Variants in PTER observed in about 807,000 individuals in gnomAD.
PTER encodes the protein N-acetyltaurine hydrolase.
In PTER, 38 loss-of-function variants were observed where a neutral mutation model predicts 29.6. The ratio of observed to expected loss-of-function variants is 1.28; its 90% CI spans 0.99 to 1.68. The LOEUF (loss-of-function observed/expected upper bound fraction) is 1.68. Ranked by LOEUF, PTER falls within the 40% of genes most tolerant of loss-of-function variation. PTER has a pLI of 0.00. For synonymous variants in PTER, 172 were observed against 154.5 expected, an observed-to-expected ratio of 1.11 and a Z score of -0.84; for missense variants, 482 against 427.8, an observed-to-expected ratio of 1.13 and a Z score of -1.12.
chr10:16,505,224 G>A lies in PTER; in HGVS notation c.839+64G>A. On this transcript the variant is annotated intron_variant, in intron 4 of 4. Transcript: ENST00000535784. ...TAGCCCTTTTTGATTGTCATATCTA[G>A]GGAAGTATTAGCAAAGATTCAGAAA... is the stretch of plus-strand genomic sequence containing the variant. 1.9e-6 allele frequency: 3 copies of A among 1,569,342 alleles called. No individual in the cohort carries two copies. In the South Asian group the frequency reaches 3.5e-5, roughly 18 times the overall value.
At chr10:16,441,675 C>T (rs1202026413) in intron 1 of PTER, among the ~76,000 whole-genome samples, 1 of 152,192 alleles carries the variant, frequency 6.6e-6, no homozygotes, top group East Asian at 1.9e-4. Flanking sequence ...ATTGCTTGGA[C>T]GTGACTGGCC....
rs1836513035 is a variant in PTER, at chr10:16,505,143, T to C, written c.822T>C (p.Asp274=). The change falls in exon 4 of 5, where the codon GAT becomes GAC. Residue 274 remains aspartate (D), a synonymous_variant. Coordinates refer to ENST00000535784, the MANE Select transcript of PTER (RefSeq NM_001261836.2). ...QLGPDIDMPD[D]NKRIRRVRLL... is the part of the protein sequence containing the mutation. ...GCCCAGATATTGACATGCCTGATGA[T>C]AACAAAAGAATTAGAAGGTAAATAT... 1 of 1,613,904 alleles carries C rather than the reference T, an allele frequency of 6.2e-7. No homozygotes were observed. Among genetic ancestry groups the C allele is most frequent in the South Asian group, 1.1e-5 (1 of 91,042 alleles).
At chr10:16,472,080 C>G (rs1046415609) in intron 1 of PTER, among the ~76,000 whole-genome samples, 16 of 152,154 alleles carry the variant, frequency 1.1e-4, no homozygotes, top group African/African-American at 3.9e-4. Context: ...GTGATGCTTT[C>G]TATTGGATTC....
intron 3 of PTER, among the ~76,000 whole-genome samples, chr10:16,500,871 G>A (rs1456458007): frequency 1.3e-5 from 2 of 151,832 alleles, no homozygotes; most frequent in African/African-American, 2.4e-5. Context: ...CTTTCAAGTA[G>A]CTGGGACCAC....
chr10:16,480,100 A>G (rs1242610760), intron 1 of PTER, among the ~76,000 whole-genome samples: 4 of 147,552 alleles, frequency 2.7e-5, no homozygotes, highest in Non-Finnish European at 3.0e-5. Context: ...GGGATGTATG[A>G]TAAGAATTAG....
chr10:16,494,859 G>A (rs1836030711), intron 3 of PTER, among the ~76,000 whole-genome samples: 1 of 152,082 alleles, frequency 6.6e-6, no homozygotes, highest in African/African-American at 2.4e-5. Context: ...TTGCAGTGGA[G>A]CTGTCATTAG....
chr10:16,452,534 T>A (rs1426225130), intron 1 of PTER, among the ~76,000 whole-genome samples: 1 of 152,070 alleles, frequency 6.6e-6, no homozygotes, highest in Non-Finnish European at 1.5e-5. Flanking sequence ...ACTCCTGACC[T>A]CAAGCACTCC....
chr10:16,462,825 C>T (rs2133395572), intron 1 of PTER, among the ~76,000 whole-genome samples: 1 of 151,988 alleles, frequency 6.6e-6, no homozygotes, highest in East Asian at 2.0e-4. Flanking sequence ...CCCGCCTCAG[C>T]CTCCCAAAGT....
intron 1 of PTER, among the ~76,000 whole-genome samples, chr10:16,466,460 A>C (rs1834834878): frequency 6.6e-6 from 1 of 152,202 alleles, no homozygotes. Flanking sequence ...AATTCAAGTG[A>C]TTCTCATGAC....
chr10:16,438,082 T>G (rs1833715602), intron 1 of PTER, among the ~76,000 whole-genome samples: 1 of 152,186 alleles, frequency 6.6e-6, no homozygotes, highest in Non-Finnish European at 1.5e-5. Flanking sequence ...CTCGGCTCAC[T>G]GCAACCTCCG....
At chr10:16,465,442 A>G (rs764088246) in intron 1 of PTER, among the ~76,000 whole-genome samples, 1 of 152,192 alleles carries the variant, frequency 6.6e-6, no homozygotes, top group Non-Finnish European at 1.5e-5. Context: ...TTCCCTTCCT[A>G]TGCCCTGAGA....
chr10:16,484,421 G>A lies in PTER; in HGVS notation c.37G>A (p.Gly13Ser), dbSNP rs1366839629. 6.2e-7 allele frequency: 1 copy of A among 1,608,236 alleles called. No individual in the cohort carries two copies. The highest frequency in any genetic ancestry group is 1.1e-5 in the South Asian group (1 of 89,504). ...AAGTGGAAAAGTCCAAACCGTTTTG[G>A]GCCTTGTAGAGCCAAGCAAACTGGG... Reference protein sequence around the residue: ...SLSGKVQTVLGLVEPSKLGRT... With the variant: ...SLSGKVQTVLSLVEPSKLGRT... The change falls in exon 2 of 5, where the codon GGC becomes AGC. Residue 13 changes from glycine to serine, a missense_variant. By Grantham distance (56) the Gly-to-Ser change is moderately conservative. Transcript: ENST00000535784.
chr10:16,482,013 G>A (rs912572708), intron 1 of PTER, among the ~76,000 whole-genome samples: 1 of 152,150 alleles, frequency 6.6e-6, no homozygotes, highest in Non-Finnish European at 1.5e-5. Flanking sequence ...ATAGTGCCTG[G>A]CAGCTGTGTG....
intron 1 of PTER, among the ~76,000 whole-genome samples, chr10:16,479,494 A>G (rs1408146277): frequency 6.6e-6 from 1 of 152,162 alleles, no homozygotes. Context: ...TTAAAAAAAA[A>G]AAGGATGCAT....
At chr10:16,498,889 C>A (rs1214491425) in intron 3 of PTER, among the ~76,000 whole-genome samples, 1 of 152,212 alleles carries the variant, frequency 6.6e-6, no homozygotes, top group East Asian at 1.9e-4. Context: ...GTCAATTTCA[C>A]ATGGGTAAGT....
chr10:16,484,234 T>G, intron 1 of PTER, 103 bp from the exon 2 acceptor site: 1 of 697,290 alleles, frequency 1.4e-6, no homozygotes, highest in South Asian at 2.1e-5. Context: ...ATTTGCCTTC[T>G]TACATGGGTA....
At chr10:16,466,875 G>C (rs1321023917) in intron 1 of PTER, among the ~76,000 whole-genome samples, 3 of 152,190 alleles carry the variant, frequency 2.0e-5, no homozygotes, top group Non-Finnish European at 4.4e-5. Flanking sequence ...TCCTGAGGAT[G>C]GTCTATACAT....
At chr10:16,459,181 C>T (rs1834516739) in intron 1 of PTER, among the ~76,000 whole-genome samples, 1 of 152,194 alleles carries the variant, frequency 6.6e-6, no homozygotes, top group Non-Finnish European at 1.5e-5. Context: ...ATTCTTCTCA[C>T]CCCTTCCAGT....
At chr10:16,460,709 C>T (rs918986120) in intron 1 of PTER, among the ~76,000 whole-genome samples, 26 of 152,144 alleles carry the variant, frequency 1.7e-4, no homozygotes, top group African/African-American at 5.8e-4. Context: ...ATTAAAGTTG[C>T]AGATATAAGT....
Sources: gnomAD v4.1 joint callset for allele counts (sites outside exome capture counted in the v4.1 genomes callset) on GRCh38, gnomAD v4.1.1 for gene constraint, MANE v1.5 for transcripts, NCBI Gene and HGNC (gene_info 2026-07-23, HGNC 2026-07-21) for gene names.